Variants in MAST4 observed in about 807,000 individuals in gnomAD.
The protein encoded by MAST4 is microtubule-associated serine/threonine-protein kinase 4.
A neutral mutation model predicts 162.7 loss-of-function variants in MAST4; 89 were observed. The observed-to-expected ratio is 0.55, with a 90% confidence interval of 0.46 to 0.65. The LOEUF (loss-of-function observed/expected upper bound fraction) is 0.65. Among genes scored for constraint, MAST4 ranks in the 30% least tolerant of loss-of-function variants. The probability of loss-of-function intolerance (pLI) is 0.00; values close to 1 mark genes in which losing one functional copy is unlikely to be tolerated. For synonymous variants in MAST4, 1,479 were observed against 1,361.1 expected (o/e 1.09, Z -1.91); for missense variants, 3,153 against 3,374.0 (o/e 0.93, Z 1.62).
intron 3 of MAST4, among the ~76,000 whole-genome samples, chr5:66,878,290 G>C (rs1223921418): frequency 6.6e-6 from 1 of 152,230 alleles, no homozygotes; most frequent in African/African-American, 2.4e-5. Flanking sequence ...GCAGGACAAA[G>C]CTATGACAGC....
intron 1 of MAST4, among the ~76,000 whole-genome samples, chr5:66,756,374 C>T (rs535131652): frequency 1.3e-5 from 2 of 152,292 alleles, no homozygotes; most frequent in South Asian, 4.1e-4. Flanking sequence ...GGACCTGGCC[C>T]TCTAGGAGTA....
chr5:67,007,147 A>G (rs964002365), intron 4 of MAST4, among the ~76,000 whole-genome samples: 2 of 152,106 alleles, frequency 1.3e-5, no homozygotes, highest in African/African-American at 4.8e-5. Flanking sequence ...GCATCCTGTT[A>G]TTATACAGTG....
chr5:67,078,357 A>G (rs974487411), intron 5 of MAST4, among the ~76,000 whole-genome samples: 2 of 150,934 alleles, frequency 1.3e-5, no homozygotes, highest in African/African-American at 2.4e-5. Context: ...AGTAACAATA[A>G]AAGACTAACA....
chr5:67,070,849 C>T (rs1254290749), intron 5 of MAST4, among the ~76,000 whole-genome samples: 1 of 152,256 alleles, frequency 6.6e-6, no homozygotes. Context: ...AGACTTTATA[C>T]CTGTCCCTAC....
At chr5:66,708,688 A>G (rs527922864) in intron 1 of MAST4, among the ~76,000 whole-genome samples, 6 of 152,310 alleles carry the variant, frequency 3.9e-5, no homozygotes, top group African/African-American at 7.2e-5. Flanking sequence ...ATGTTTGGCT[A>G]TTAAGGTTTT....
chr5:66,603,021 C>T (rs965292967), intron 1 of MAST4, among the ~76,000 whole-genome samples: 11 of 152,028 alleles, frequency 7.2e-5, no homozygotes, highest in South Asian at 2.1e-4. Flanking sequence ...CTACTATTAC[C>T]GAGTGTGGAA....
At chr5:66,747,987 C>T (rs542803563) in intron 1 of MAST4, among the ~76,000 whole-genome samples, 2 of 152,084 alleles carry the variant, frequency 1.3e-5, no homozygotes, top group Admixed American at 6.5e-5. Flanking sequence ...CAGATGGACC[C>T]GTGAAGTCTC....
At position 66,880,638 on chromosome 5, in the gene MAST4, G is replaced by A. The variant is rs192988854; in HGVS notation, c.643-19313G>A. 2.2e-4 allele frequency among the ~76,000 whole-genome samples: 33 copies of A among 152,286 alleles called. 1 individual carries two copies. The East Asian group carries it at 5.6e-3, about 26-fold the overall frequency. On this transcript the variant is annotated intron_variant, in intron 3 of 28. Transcript: ENST00000403625. Reference sequence around the variant, plus strand: ...CTAAAGTTTATTGCAACAAAAGGACGAGAAGGAGAAGTAGAAGACTACAGA... The same window carrying A: ...CTAAAGTTTATTGCAACAAAAGGACAAGAAGGAGAAGTAGAAGACTACAGA...
At chr5:66,757,859 C>T (rs1279793750) in intron 1 of MAST4, among the ~76,000 whole-genome samples, 1 of 151,980 alleles carries the variant, frequency 6.6e-6, no homozygotes, top group Non-Finnish European at 1.5e-5. Context: ...CAAAATGGAG[C>T]CAAAAAGGAG....
chr5:66,612,810 A>T (rs1326821789), intron 1 of MAST4, among the ~76,000 whole-genome samples: 1 of 152,188 alleles, frequency 6.6e-6, no homozygotes, highest in Non-Finnish European at 1.5e-5. Context: ...TATTTGGCCT[A>T]TCAGATATCT....
intron 4 of MAST4, among the ~76,000 whole-genome samples, chr5:66,933,548 A>C (rs1408701117): frequency 6.6e-6 from 1 of 152,118 alleles, no homozygotes; most frequent in African/African-American, 2.4e-5. Flanking sequence ...GAACTCTGTG[A>C]ATTCCCTGAA....
rs1756342860 is a variant in MAST4, at chr5:66,808,990, CT to C, written c.642+20200del. On this transcript the variant is annotated intron_variant, in intron 3 of 28. Transcript: ENST00000403625. ...TTCACTGGGAGCTGAAGAGGTATTT[CT>C]TTTCTGAGGGTACTTAAAAAATGAG... Among the ~76,000 whole-genome samples the C allele has an allele frequency of 3.3e-5, 5 of 152,286 alleles. No individual in the cohort carries two copies. In the South Asian group the frequency reaches 8.3e-4, roughly 25 times the overall value.
chr5:66,961,065 A>G (rs1745953258), intron 4 of MAST4, among the ~76,000 whole-genome samples: 1 of 152,184 alleles, frequency 6.6e-6, no homozygotes, highest in Non-Finnish European at 1.5e-5. Context: ...CTTAAATATC[A>G]TTGTAGTATT....
chr5:66,811,743 A>G (rs1353393736), intron 3 of MAST4, among the ~76,000 whole-genome samples: 1 of 152,210 alleles, frequency 6.6e-6, no homozygotes, highest in Non-Finnish European at 1.5e-5. Context: ...TGGGCAATGA[A>G]AATGAGTTTG....
At chr5:66,740,205 T>A (rs1176111558) in intron 1 of MAST4, among the ~76,000 whole-genome samples, 1 of 152,184 alleles carries the variant, frequency 6.6e-6, no homozygotes, top group Admixed American at 6.5e-5. Context: ...TAGAGGCTGA[T>A]GTAAACTCTT....
intron 2 of MAST4, among the ~76,000 whole-genome samples, chr5:66,782,383 T>C (rs1754918126): frequency 6.6e-6 from 1 of 152,154 alleles, no homozygotes; most frequent in Non-Finnish European, 1.5e-5. Context: ...CAATAATGTA[T>C]TTATTTTAAT....
intron 1 of MAST4, among the ~76,000 whole-genome samples, chr5:66,689,185 CT>C (rs1748881409): frequency 6.6e-6 from 1 of 151,794 alleles, no homozygotes; most frequent in Admixed American, 6.6e-5. Flanking sequence ...TAGAAAATTT[CT>C]TCATGTTTGT....
chr5:66,889,049 A>C (rs193232106), intron 3 of MAST4, among the ~76,000 whole-genome samples: 2 of 152,342 alleles, frequency 1.3e-5, no homozygotes, highest in East Asian at 3.9e-4. Context: ...GCTTTTTAGA[A>C]GCTTATGAAC....
At chr5:67,123,970 G>A (rs1311724019) in intron 14 of MAST4, among the ~76,000 whole-genome samples, 1 of 152,072 alleles carries the variant, frequency 6.6e-6, no homozygotes, top group Non-Finnish European at 1.5e-5. Context: ...CTTCCCACAT[G>A]GAGATTTGCT....
Sources: allele counts gnomAD v4.1 joint callset (sites outside exome capture counted in the v4.1 genomes callset), GRCh38; gene constraint gnomAD v4.1.1; transcripts MANE v1.5; gene names NCBI Gene and HGNC (gene_info 2026-07-23, HGNC 2026-07-21).